MYLK3: variants seen among roughly 807,000 people sequenced by gnomAD.
MYLK3 encodes myosin light chain kinase 3, also known as MLC kinase.
Under a neutral mutation model 76.3 loss-of-function variants are expected in MYLK3, and 55 were observed. That is an observed-to-expected ratio of 0.72 (90% confidence interval 0.58 to 0.90). The LOEUF (loss-of-function observed/expected upper bound fraction) is 0.90, where lower values mean the gene tolerates loss of function less well. Ranked by LOEUF, MYLK3 falls within the 40% of genes least tolerant of loss-of-function variation. The pLI, the probability that MYLK3 is intolerant of heterozygous loss-of-function variation, is 0.00. For missense variants in MYLK3, 973 were observed against 1,053.6 expected (o/e 0.92, Z 1.06); for synonymous variants, 416 against 425.4 (o/e 0.98, Z 0.27).
upstream of MYLK3, among the ~76,000 whole-genome samples, chr16:46,753,194 AGAGAGGCTTCGGACCCC>A (rs1967150056): frequency 6.6e-6 from 1 of 152,328 alleles, no homozygotes; most frequent in African/African-American, 2.4e-5. Flanking sequence ...GTAGGACCCC[AGAGAGGCTTCGGACCCC>A]GATACCCCCG....
chr16:46,738,187 G>A (rs114914483), intron 2 of MYLK3, 44 bp from the exon 3 acceptor site: 3 of 1,433,648 alleles, frequency 2.1e-6, no homozygotes, highest in Non-Finnish European at 2.8e-6. Flanking sequence ...CCATGTGGAG[G>A]AGTCTGCCAC....
At chr16:46,718,928 C>T (rs1358037924) in intron 9 of MYLK3, among the ~76,000 whole-genome samples, 1 of 151,494 alleles carries the variant, frequency 6.6e-6, no homozygotes, top group Non-Finnish European at 1.5e-5. Flanking sequence ...CAGAGCAAGA[C>T]TCTGTCTGAA....
chr16:46,748,675 CAG>C (rs923477732), upstream of MYLK3, among the ~76,000 whole-genome samples: 1 of 152,186 alleles, frequency 6.6e-6, no homozygotes, highest in African/African-American at 2.4e-5. This position sits in a 1 kb window ranked among gnomAD's most constrained non-coding sequence, Gnocchi z 4.3. Context: ...CCACACACAT[CAG>C]AGTCACAATA....
intron 1 of MYLK3, among the ~76,000 whole-genome samples, chr16:46,740,561 T>C (rs1966915055): frequency 7.1e-6 from 1 of 141,136 alleles, no homozygotes; most frequent in African/African-American, 2.7e-5. Context: ...ATTTTTTTTT[T>C]TTTTTTTTGA....
At chr16:46,749,385 G>A (rs1967088067), upstream of MYLK3, among the ~76,000 whole-genome samples, 1 of 152,262 alleles carries the variant, frequency 6.6e-6, no homozygotes, top group African/African-American at 2.4e-5. Flanking sequence ...CTGCCCCCAA[G>A]GGAGGGGGCT....
chr16:46,722,040 C>A (rs528174867), intron 8 of MYLK3, among the ~76,000 whole-genome samples: 1 of 152,126 alleles, frequency 6.6e-6, no homozygotes, highest in Non-Finnish European at 1.5e-5. Flanking sequence ...AGCTGTGGCC[C>A]ATGGCATGAG....
intron 1 of MYLK3, among the ~76,000 whole-genome samples, chr16:46,740,475 T>G (rs1031386054): frequency 3.3e-5 from 5 of 150,256 alleles, no homozygotes; most frequent in Admixed American, 6.6e-5. Flanking sequence ...CCCAAAGGAC[T>G]TAGACTACAG....
intron 9 of MYLK3, among the ~76,000 whole-genome samples, chr16:46,717,355 C>T (rs1350948402): frequency 6.6e-6 from 1 of 152,188 alleles, no homozygotes; most frequent in African/African-American, 2.4e-5. Flanking sequence ...GAGAGTTTTT[C>T]CCCAAACAGC....
At chr16:46,728,838 G>C (rs1393600631) in intron 7 of MYLK3, among the ~76,000 whole-genome samples, 186 bp downstream of exon 7, 1 of 152,254 alleles carries the variant, frequency 6.6e-6, no homozygotes, top group African/African-American at 2.4e-5. Context: ...TTGTGACAAA[G>C]TTGCTTTGTC....
At chr16:46,710,561 G>A in intron 11 of MYLK3, 76 bp downstream of exon 11, 3 of 1,532,500 alleles carry the variant, frequency 2.0e-6, no homozygotes, top group African/African-American at 2.8e-5. Context: ...GACCTTCACG[G>A]TCAGCAGTCC....
At chr16:46,729,885 G>GC (rs1966849018) in intron 5 of MYLK3, 198 bp from the exon 6 acceptor site, 1 of 611,188 alleles carries the variant, frequency 1.6e-6, no homozygotes, top group South Asian at 1.9e-5. Flanking sequence ...CACCACCCAG[G>GC]CCATTCCACA....
At position 46,705,696 on chromosome 16, in the gene MYLK3, G is replaced by A. The variant is rs1048232729; in HGVS notation, c.*2008C>T. On this transcript the variant is annotated 3_prime_UTR_variant, in exon 13 of 13. Coordinates refer to ENST00000394809, the MANE Select transcript of MYLK3 (RefSeq NM_182493.3). ...TCTAAATATACATGTATACAAGTTCGTAAATGTGTTAGTTGAAGCTGGGTG... is the reference window on the plus strand; with the variant it reads ...TCTAAATATACATGTATACAAGTTCATAAATGTGTTAGTTGAAGCTGGGTG... 9.9e-5 allele frequency: 15 copies of A among 151,970 alleles called. No homozygotes were observed. Among genetic ancestry groups the A allele is most frequent in the East Asian group, 5.8e-4 (3 of 5,174 alleles). The allele number at this position is 151,970 out of a possible 1,614,324, so 9.4% of individuals were successfully genotyped here.
At chr16:46,727,587 C>T (rs373628086) in intron 7 of MYLK3, among the ~76,000 whole-genome samples, 5 of 152,164 alleles carry the variant, frequency 3.3e-5, no homozygotes, top group Non-Finnish European at 5.9e-5. Flanking sequence ...AGTGCAGTGG[C>T]GCGATCTCTG....
chr16:46,712,295 C>T (rs1290823691), intron 10 of MYLK3, among the ~76,000 whole-genome samples: 1 of 151,930 alleles, frequency 6.6e-6, no homozygotes, highest in African/African-American at 2.4e-5. Context: ...CCCAGCTCAA[C>T]CCATAACTTT....
intron 8 of MYLK3, among the ~76,000 whole-genome samples, chr16:46,724,885 T>C (rs553046236): frequency 1.3e-5 from 2 of 152,310 alleles, no homozygotes; most frequent in African/African-American, 2.4e-5. Context: ...TGGGGGAGTA[T>C]TGTCACCTTA....
intron 9 of MYLK3, among the ~76,000 whole-genome samples, chr16:46,719,969 G>A (rs1966783270): frequency 6.6e-6 from 1 of 152,186 alleles, no homozygotes; most frequent in African/African-American, 2.4e-5. Context: ...CTTGAGGTCA[G>A]GAGTTTGAGA....
intron 1 of MYLK3, 150 bp downstream of exon 1, chr16:46,747,567 C>T: frequency 2.5e-6 from 2 of 790,694 alleles, no homozygotes; most frequent in Non-Finnish European, 4.1e-6. Context: ...CACCTATGAC[C>T]TGTAAGTTTC....
chr16:46,740,551 A>ATATATT (rs1330740991), intron 1 of MYLK3, among the ~76,000 whole-genome samples: 3 of 128,360 alleles, frequency 2.3e-5, no homozygotes, highest in Non-Finnish European at 3.2e-5. Context: ...ATATATATAT[A>ATATATT]TTTTTTTTTT....
chr16:46,740,145 A>T lies in MYLK3; in HGVS notation c.480T>A (p.Asn160Lys). 1.9e-6 allele frequency: 3 copies of T among 1,613,184 alleles called. No homozygotes were observed. Among genetic ancestry groups the T allele is most frequent in the Non-Finnish European group, 2.5e-6 (3 of 1,179,340 alleles). Residue 160 changes from asparagine (N) to lysine (K), a missense_variant and splice_region_variant, in exon 2 of 13, where the codon AAT (asparagine) becomes AAA (lysine). Around this residue, in one of 2 missense-constraint regions of MYLK3, gnomAD observed 641 missense variants for 637.0 expected, o/e 1.01. Transcript: ENST00000394809. ...CTCCCTCTTCTTCCACTCGCTCTTTATTCTAAAATAACAACCATAAAAAAT... is the reference window on the plus strand; with the variant it reads ...CTCCCTCTTCTTCCACTCGCTCTTTTTTCTAAAATAACAACCATAAAAAAT... Reference protein sequence around the residue: ...RGSPGDSPEENKERVEEEGGK... With the variant: ...RGSPGDSPEEKKERVEEEGGK...
Sources: allele counts gnomAD v4.1 joint callset (sites outside exome capture counted in the v4.1 genomes callset), GRCh38; gene constraint gnomAD v4.1.1; regional missense constraint gnomAD v4.1.1; non-coding constraint Gnocchi (gnomAD v3.1); transcripts MANE v1.5; gene names NCBI Gene and HGNC (gene_info 2026-07-23, HGNC 2026-07-21).